The following MALRD1 variants were observed in gnomAD, a reference collection of about 807,000 sequenced individuals.
MALRD1 encodes MAM and LDL receptor class A domain containing 1.
In MALRD1, 247 loss-of-function variants were observed where a neutral mutation model predicts 242.1. The observed-to-expected ratio is 1.02, with a 90% CI of 0.92 to 1.13. The LOEUF (loss-of-function observed/expected upper bound fraction) is 1.13. Among genes scored for constraint, MALRD1 ranks in the 50% most tolerant of loss-of-function variants. The pLI is 0.00. For missense variants in MALRD1, 2,989 were observed against 2,533.1 expected (o/e 1.18, Z -3.86); for synonymous variants, 995 against 866.6 (o/e 1.15, Z -2.60).
chr10:19,286,820 T>C (rs1215823136), intron 21 of MALRD1, among the ~76,000 whole-genome samples: 2 of 151,272 alleles, frequency 1.3e-5, no homozygotes, highest in African/African-American at 2.4e-5. Context: ...ACTCATTTTA[T>C]GAGGCCAGCA....
intron 33 of MALRD1, among the ~76,000 whole-genome samples, chr10:19,593,795 C>G (rs1308044949): frequency 2.0e-5 from 3 of 152,224 alleles, no homozygotes; most frequent in Admixed American, 6.5e-5. Context: ...GTTTATTACA[C>G]TAGCATTGAG....
chr10:19,438,182 T>C (rs536022778), intron 28 of MALRD1, among the ~76,000 whole-genome samples: 215 of 152,188 alleles, frequency 1.4e-3, no homozygotes, highest in Middle Eastern at 3.4e-3. Context: ...TTTCTTTTTT[T>C]ACTCTAGGTG....
chr10:19,205,925 G>A (rs200668397), intron 17 of MALRD1, among the ~76,000 whole-genome samples: 1 of 121,154 alleles, frequency 8.3e-6, no homozygotes, highest in Non-Finnish European at 1.7e-5. Context: ...TTTTTTTTTT[G>A]AGTTACAAAA....
chr10:19,335,868 A>C (rs1843586031), intron 24 of MALRD1, among the ~76,000 whole-genome samples: 1 of 152,108 alleles, frequency 6.6e-6, no homozygotes, highest in African/African-American at 2.4e-5. Context: ...GATTTGTTAC[A>C]TAGATATACA....
At chr10:19,366,102 A>G (rs537965322) in intron 26 of MALRD1, among the ~76,000 whole-genome samples, 3 of 152,124 alleles carry the variant, frequency 2.0e-5, no homozygotes, top group Non-Finnish European at 4.4e-5. Context: ...ATTCAAGTAT[A>G]TTACATTTAT....
intron 33 of MALRD1, among the ~76,000 whole-genome samples, chr10:19,583,794 G>C (rs1250248001): frequency 6.6e-6 from 1 of 151,732 alleles, no homozygotes; most frequent in Non-Finnish European, 1.5e-5. Flanking sequence ...GTTTCAGAAG[G>C]AATGGTACCA....
intron 31 of MALRD1, among the ~76,000 whole-genome samples, chr10:19,502,012 C>CAA (rs1181159875): frequency 3.2e-3 from 128 of 40,242 alleles, no homozygotes; most frequent in Non-Finnish European, 3.8e-3. Context: ...GATTCTGTCT[C>CAA]AAAAAAAAAA....
At chr10:19,230,773 G>A (rs555026081) in intron 18 of MALRD1, among the ~76,000 whole-genome samples, 17 of 152,168 alleles carry the variant, frequency 1.1e-4, no homozygotes, top group African/African-American at 3.9e-4. Flanking sequence ...TTCTCTAAAG[G>A]TTCTTAAAAG....
At chr10:19,245,335 G>C (rs754672353) in intron 18 of MALRD1, among the ~76,000 whole-genome samples, 2 of 152,088 alleles carry the variant, frequency 1.3e-5, no homozygotes, top group Admixed American at 1.3e-4. Context: ...TCTTTAGCTG[G>C]TTTTATAGGA....
At chr10:19,685,197 G>T (rs1321243106) in intron 36 of MALRD1, among the ~76,000 whole-genome samples, 1 of 152,004 alleles carries the variant, frequency 6.6e-6, no homozygotes, top group Non-Finnish European at 1.5e-5. Flanking sequence ...GATTCATGAA[G>T]CAATTTTTTC....
chr10:19,061,773 T>C (rs1834829534), intron 1 of MALRD1, among the ~76,000 whole-genome samples: 1 of 152,162 alleles, frequency 6.6e-6, no homozygotes, highest in African/African-American at 2.4e-5. Context: ...TTATACCATA[T>C]ACAACAAGGT....
chr10:19,153,435 G>A (rs556284984), intron 11 of MALRD1, among the ~76,000 whole-genome samples: 34 of 152,116 alleles, frequency 2.2e-4, no homozygotes, highest in Admixed American at 6.6e-5. Context: ...TAAATAGGGA[G>A]CCAGGTGCAG....
intron 26 of MALRD1, among the ~76,000 whole-genome samples, chr10:19,365,724 A>G (rs1041785692): frequency 6.7e-6 from 1 of 149,348 alleles, no homozygotes; most frequent in Non-Finnish European, 1.5e-5. Flanking sequence ...GCTTTCTCTC[A>G]TTCGAATCTC....
At chr10:19,411,093 T>C (rs1833260338) in intron 28 of MALRD1, among the ~76,000 whole-genome samples, 1 of 152,192 alleles carries the variant, frequency 6.6e-6, no homozygotes, top group African/African-American at 2.4e-5. Flanking sequence ...TATCAGGCCA[T>C]TCTCTTAGGC....
intron 21 of MALRD1, among the ~76,000 whole-genome samples, chr10:19,285,466 C>A (rs891019665): frequency 5.3e-5 from 8 of 151,590 alleles, no homozygotes; most frequent in Non-Finnish European, 8.8e-5. Context: ...CAGCTTTCTA[C>A]ATATGGCTAG....
chr10:19,457,208 A>G (rs34917205), intron 29 of MALRD1, among the ~76,000 whole-genome samples: 41,994 of 151,982 alleles, frequency 0.28, 6,472 homozygotes, highest in East Asian at 0.47. Flanking sequence ...AGCCATATGT[A>G]GCCATAACAT....
At chr10:19,331,336 G>T in intron 23 of MALRD1, 33 bp from the exon 24 acceptor site, 1 of 1,510,784 alleles carries the variant, frequency 6.6e-7, no homozygotes, top group Non-Finnish European at 9.0e-7. Context: ...CTTCTTGATT[G>T]ACAGTTTAAC....
chr10:19,480,751 C>G (rs985704806), intron 29 of MALRD1, among the ~76,000 whole-genome samples: 2 of 152,040 alleles, frequency 1.3e-5, no homozygotes, highest in Admixed American at 6.6e-5. Context: ...TCGGGTGTAC[C>G]AGTTCTGAGT....
chr10:19,439,434 G>T (rs1053192415), intron 28 of MALRD1, among the ~76,000 whole-genome samples: 1 of 152,044 alleles, frequency 6.6e-6, no homozygotes, highest in African/African-American at 2.4e-5. Flanking sequence ...GATGGTGGGA[G>T]GCTGAGGCAG....
Sources: allele counts gnomAD v4.1 joint callset (sites outside exome capture counted in the v4.1 genomes callset), GRCh38; gene constraint gnomAD v4.1.1; transcripts MANE v1.5; gene names NCBI Gene and HGNC (gene_info 2026-07-23, HGNC 2026-07-21).